Variants in ATP2C2 observed in about 807,000 individuals in gnomAD.
ATP2C2 encodes the protein ATPase secretory pathway Ca2+ transporting 2.
ATP2C2 carries 171 observed loss-of-function variants against 110.8 expected under a neutral mutation model. The observed-to-expected ratio is 1.54, with a 90% CI of 1.36 to 1.75. The LOEUF (loss-of-function observed/expected upper bound fraction) is 1.75. Ranked by LOEUF, ATP2C2 falls within the 40% of genes most tolerant of loss-of-function variation. The probability of loss-of-function intolerance (pLI) is 0.00; values close to 1 mark genes in which losing one functional copy is unlikely to be tolerated. For missense variants in ATP2C2, 1,963 were observed against 1,235.0 expected (o/e 1.59, Z -8.84); for synonymous variants, 804 against 508.4 (o/e 1.58, Z -7.82).
chr16:84,410,288 A>G (rs1198291760), intron 4 of ATP2C2, among the ~76,000 whole-genome samples: 6 of 152,162 alleles, frequency 3.9e-5, no homozygotes, highest in African/African-American at 1.2e-4. Context: ...ATGGCAGTTT[A>G]TAAAAGAATA....
At chr16:84,462,367 G>A (rs1911465832) in intron 26 of ATP2C2, 5 of 474,418 alleles carry the variant, frequency 1.1e-5, no homozygotes, top group Admixed American at 6.9e-5. Flanking sequence ...GTAGGGTCTG[G>A]GGCCCAAGGG....
chr16:84,452,018 C>T lies in ATP2C2; in HGVS notation c.1758C>T (p.Val586=), dbSNP rs763702293. Residue 586 remains valine (V), a synonymous_variant, in exon 18 of 27, where the codon GTC becomes GTT. Coordinates refer to ENST00000262429, the MANE Select transcript of ATP2C2 (RefSeq NM_014861.4). ...CGAGAGTTGGCGTGAAGGAAGCAGT[C>T]CAGGTTCTCTCCGAGTCTGGTGTGT... ...DPPRVGVKEA[V]QVLSESGVSV... 2 of 1,613,046 alleles carry T rather than the reference C, an allele frequency of 1.2e-6. No individual in the cohort carries two copies. The highest frequency in any genetic ancestry group is 2.7e-5 in the African/African-American group (2 of 74,554).
chr16:84,448,572 G>A lies in ATP2C2; in HGVS notation c.1543G>A (p.Glu515Lys). ...DIYFMKGALE[E>K]VIRYCTMYNN... The stretch of plus-strand genomic sequence containing the variant: ...TTACTTCATGAAAGGGGCCTTGGAA[G>A]AGGTGATCCGCTACTGCACCATGTA... The change falls in exon 17 of 27, where the codon GAG becomes AAG. Residue 515 changes from glutamate (E) to lysine (K), a missense_variant. Coordinates refer to ENST00000262429, the MANE Select transcript of ATP2C2 (RefSeq NM_014861.4). The A allele has an allele frequency of 1.2e-6, 2 of 1,613,644 alleles. No homozygotes were observed. The highest frequency in any genetic ancestry group is 1.7e-6 in the Non-Finnish European group (2 of 1,179,694).
intron 11 of ATP2C2, among the ~76,000 whole-genome samples, chr16:84,434,480 G>A (rs1908567817): frequency 1.3e-5 from 2 of 151,882 alleles, no homozygotes; most frequent in Non-Finnish European, 2.9e-5. Flanking sequence ...GATGATACAA[G>A]GCACTTGCTT....
chr16:84,406,345 G>A (rs1905765841), intron 3 of ATP2C2, among the ~76,000 whole-genome samples: 1 of 152,246 alleles, frequency 6.6e-6, no homozygotes, highest in Non-Finnish European at 1.5e-5. Flanking sequence ...GAATTTTCCA[G>A]GTGCCTGAGG....
At chr16:84,385,903 G>T (rs1904312442) in intron 1 of ATP2C2, among the ~76,000 whole-genome samples, 1 of 152,212 alleles carries the variant, frequency 6.6e-6, no homozygotes, top group Admixed American at 6.5e-5. Context: ...TTTGGGTGGG[G>T]ACACAGAGCC....
intron 11 of ATP2C2, among the ~76,000 whole-genome samples, chr16:84,434,189 G>T (rs759681939): frequency 6.6e-6 from 1 of 152,024 alleles, no homozygotes; most frequent in Non-Finnish European, 1.5e-5. Flanking sequence ...AGGCCGAGGC[G>T]CGTGGATCAT....
At chr16:84,452,657 C>G (rs1296287649) in intron 18 of ATP2C2, among the ~76,000 whole-genome samples, 1 of 152,078 alleles carries the variant, frequency 6.6e-6, no homozygotes, top group East Asian at 1.9e-4. Flanking sequence ...CACCACCGCG[C>G]CCAGCTAATT....
intron 20 of ATP2C2, among the ~76,000 whole-genome samples, chr16:84,453,910 G>A (rs577445989): frequency 2.6e-5 from 4 of 152,078 alleles, no homozygotes; most frequent in East Asian, 1.9e-4. Flanking sequence ...GCACAATCTC[G>A]GCTTACTTCA....
chr16:84,455,401 G>C (rs911464098), intron 21 of ATP2C2, among the ~76,000 whole-genome samples: 1 of 152,066 alleles, frequency 6.6e-6, no homozygotes, highest in Non-Finnish European at 1.5e-5. Context: ...AACATCTTCC[G>C]TTTGAGGCCT....
At chr16:84,371,733 G>A (rs1909965959) in intron 1 of ATP2C2, among the ~76,000 whole-genome samples, 2 of 152,206 alleles carry the variant, frequency 1.3e-5, no homozygotes, top group African/African-American at 4.8e-5. Flanking sequence ...CCTGGCTGGT[G>A]AGCAGATGCA....
chr16:84,445,968 C>T (rs1045494456), intron 15 of ATP2C2, among the ~76,000 whole-genome samples: 1 of 152,172 alleles, frequency 6.6e-6, no homozygotes, highest in African/African-American at 2.4e-5. Flanking sequence ...CTGGCAAGGA[C>T]CCCATGTTCT....
intron 1 of ATP2C2, among the ~76,000 whole-genome samples, chr16:84,379,140 T>G: frequency 6.8e-6 from 1 of 147,234 alleles, no homozygotes; most frequent in Admixed American, 6.8e-5. Context: ...TTCCCCTCTC[T>G]TCCCCTCCTT....
chr16:84,451,816 C>A (rs768342647), intron 17 of ATP2C2, 105 bp from the exon 18 acceptor site: 2 of 1,185,684 alleles, frequency 1.7e-6, no homozygotes, highest in Admixed American at 2.2e-5. Flanking sequence ...CCAACCTGGG[C>A]GATAAGAACA....
At chr16:84,458,847 T>G (rs1353174113) in intron 21 of ATP2C2, among the ~76,000 whole-genome samples, 2 of 151,868 alleles carry the variant, frequency 1.3e-5, no homozygotes, top group East Asian at 3.9e-4. Context: ...GGCCGGAGAG[T>G]AATTCATGGT....
chr16:84,421,418 T>C (rs1248953344), intron 7 of ATP2C2, among the ~76,000 whole-genome samples: 6 of 152,182 alleles, frequency 3.9e-5, no homozygotes, highest in Admixed American at 3.9e-4. Flanking sequence ...TAAATTTAAA[T>C]AGTTTTAAAT....
intron 17 of ATP2C2, among the ~76,000 whole-genome samples, chr16:84,451,055 C>T (rs1461009334): frequency 6.6e-6 from 1 of 152,108 alleles, no homozygotes; most frequent in Admixed American, 6.5e-5. Flanking sequence ...AGACCTGAGA[C>T]TAGGTAATTT....
chr16:84,440,699 T>C (rs541768034), intron 13 of ATP2C2, among the ~76,000 whole-genome samples, 158 bp from the exon 14 acceptor site: 1 of 152,354 alleles, frequency 6.6e-6, no homozygotes, highest in South Asian at 2.1e-4. Context: ...CGTATCCAAT[T>C]AATCAATAAT....
chr16:84,436,507 G>A (rs1405412116), intron 11 of ATP2C2, among the ~76,000 whole-genome samples: 1 of 152,230 alleles, frequency 6.6e-6, no homozygotes, highest in Non-Finnish European at 1.5e-5. Context: ...GTGAGAGACA[G>A]TGGCCCCCTT....
Sources: gnomAD v4.1 joint callset for allele counts (sites outside exome capture counted in the v4.1 genomes callset) on GRCh38, gnomAD v4.1.1 for gene constraint, MANE v1.5 for transcripts, NCBI Gene and HGNC (gene_info 2026-07-23, HGNC 2026-07-21) for gene names.